RUVBL1: variants seen among roughly 807,000 people sequenced by gnomAD.
The protein encoded by RUVBL1 is RuvB like AAA ATPase 1.
In RUVBL1, 4 loss-of-function variants were observed where a neutral mutation model predicts 52.4. The observed-to-expected ratio is 0.08, with a 90% CI of 0.04 to 0.17. RUVBL1 has a LOEUF of 0.17. Ranked by LOEUF, RUVBL1 falls within the 10% of genes least tolerant of loss-of-function variation. RUVBL1 has a pLI of 1.00. For missense variants in RUVBL1, 298 were observed against 572.8 expected, an observed-to-expected ratio of 0.52 and a Z score of 4.90; for synonymous variants, 217 against 214.4, an observed-to-expected ratio of 1.01 and a Z score of -0.10.
chr3:128,104,198 T>C (rs1943171233), intron 4 of RUVBL1, among the ~76,000 whole-genome samples: 1 of 152,208 alleles, frequency 6.6e-6, no homozygotes, highest in Non-Finnish European at 1.5e-5. Flanking sequence ...GACAGGTGGC[T>C]GAGGACTGTC....
Position 128,086,458 on chromosome 3 carries a change from C to T in RUVBL1, c.1119+1248G>A, listed in dbSNP as rs1028030777. On this transcript the variant is annotated intron_variant, in intron 9 of 10. Transcript: ENST00000322623. Reference sequence around the variant, plus strand: ...AAGACAAGGTCCAGGCAAAGCGCATCGAGACGTCACTGCAGCCCCAGTCTG... The same window carrying T: ...AAGACAAGGTCCAGGCAAAGCGCATTGAGACGTCACTGCAGCCCCAGTCTG... Among the ~76,000 whole-genome samples the T allele has an allele frequency of 4.6e-5, 7 of 152,190 alleles. No homozygotes were observed. In the South Asian group the frequency reaches 6.2e-4, roughly 14 times the overall value.
intron 8 of RUVBL1, among the ~76,000 whole-genome samples, chr3:128,090,392 G>A (rs147204680): frequency 6.6e-4 from 101 of 152,250 alleles, no homozygotes; most frequent in African/African-American, 2.2e-3. Flanking sequence ...GGTGGCGGGC[G>A]CCTGTAGTCC....
At position 128,153,000 on chromosome 3, in the gene RUVBL1, C is replaced by G. The variant is rs1346687127; in HGVS notation, c.-40+203G>C. 1.3e-3 allele frequency among the ~76,000 whole-genome samples: 61 copies of G among 47,964 alleles called. 1 individual carries two copies. The highest frequency in any genetic ancestry group is 4.7e-3 in the African/African-American group (55 of 11,628). 31.5% of individuals were successfully genotyped at this position (47,964 alleles called of 152,430 possible). On this transcript the variant is annotated intron_variant, in intron 1 of 9. Transcript: ENST00000464873. ...CTTCCCCCCGCCCACCCCGCCCCCC[C>G]CGCCCCCCTTCGCCCCCCCATGTTC... is the stretch of plus-strand genomic sequence containing the variant.
chr3:128,069,135 A>G (rs1289746947), intron 9 of RUVBL1, among the ~76,000 whole-genome samples: 1 of 152,254 alleles, frequency 6.6e-6, no homozygotes, highest in Admixed American at 6.5e-5. Flanking sequence ...AATTTAATAT[A>G]TTTAACCTAG....
chr3:128,118,342 C>T (rs1300427044), intron 2 of RUVBL1, among the ~76,000 whole-genome samples: 1 of 152,154 alleles, frequency 6.6e-6, no homozygotes, highest in East Asian at 1.9e-4. Flanking sequence ...GATACACAAT[C>T]AGTAATCATT....
intron 1 of RUVBL1, among the ~76,000 whole-genome samples, chr3:128,148,180 A>G (rs1398807480): frequency 6.6e-6 from 1 of 151,852 alleles, no homozygotes; most frequent in Non-Finnish European, 1.5e-5. Context: ...TGATTACCTG[A>G]TATCATGCAT....
At chr3:128,113,638 TA>T (rs1445811232) in intron 2 of RUVBL1, among the ~76,000 whole-genome samples, 1 of 152,264 alleles carries the variant, frequency 6.6e-6, no homozygotes, top group African/African-American at 2.4e-5. Flanking sequence ...AAGTATGTAT[TA>T]TTTTTGTTAT....
chr3:128,144,789 C>A (rs1944078385), intron 1 of RUVBL1, among the ~76,000 whole-genome samples: 1 of 152,206 alleles, frequency 6.6e-6, no homozygotes. Flanking sequence ...AAGCAACCTG[C>A]ATTTTGCTGG....
chr3:128,076,741 G>A (rs1002367903), downstream of RUVBL1, among the ~76,000 whole-genome samples: 1 of 151,940 alleles, frequency 6.6e-6, no homozygotes, highest in Non-Finnish European at 1.5e-5. The surrounding 1 kb of genome is among the most constrained non-coding windows in gnomAD (Gnocchi z 6.8). Flanking sequence ...GAAAACCTGC[G>A]CCGTGTGCCC....
chr3:128,151,506 T>C (rs1398017151), intron 1 of RUVBL1, among the ~76,000 whole-genome samples: 3 of 152,098 alleles, frequency 2.0e-5, no homozygotes, highest in African/African-American at 7.2e-5. Flanking sequence ...CTAAAGCTCT[T>C]ATTACCTATT....
At chr3:128,124,100 C>T (rs1431388547), upstream of RUVBL1, among the ~76,000 whole-genome samples, 1 of 152,200 alleles carries the variant, frequency 6.6e-6, no homozygotes, top group African/African-American at 2.4e-5. Context: ...TATCCATTAG[C>T]ACATTTGAAC....
chr3:128,115,485 G>A (rs1247143716), intron 2 of RUVBL1, among the ~76,000 whole-genome samples: 4 of 152,170 alleles, frequency 2.6e-5, no homozygotes, highest in Admixed American at 1.3e-4. Flanking sequence ...TGTCACCCAG[G>A]TAAGTTGCCT....
chr3:128,091,796 G>A (rs1430665738), intron 8 of RUVBL1, among the ~76,000 whole-genome samples: 1 of 152,190 alleles, frequency 6.6e-6, no homozygotes, highest in Non-Finnish European at 1.5e-5. Context: ...GATGCCAGCA[G>A]CACTTCTGAG....
chr3:128,096,288 G>T (rs772160583), intron 8 of RUVBL1, among the ~76,000 whole-genome samples: 2 of 152,318 alleles, frequency 1.3e-5, no homozygotes. Flanking sequence ...CTGACACTGG[G>T]CTTGAGAGAT....
At chr3:128,130,681 T>C (rs1943864937) in intron 1 of RUVBL1, among the ~76,000 whole-genome samples, 1 of 151,018 alleles carries the variant, frequency 6.6e-6, no homozygotes, top group South Asian at 2.1e-4. Context: ...GACGGAGTCT[T>C]ACTCTGTCCC....
chr3:128,145,724 G>A (rs565199172), intron 1 of RUVBL1, among the ~76,000 whole-genome samples: 1 of 152,276 alleles, frequency 6.6e-6, no homozygotes, highest in African/African-American at 2.4e-5. Flanking sequence ...TTCCCTTGGG[G>A]ACTACAAACT....
chr3:128,076,853 CCCA>C (rs1157155741), downstream of RUVBL1, among the ~76,000 whole-genome samples: 1 of 152,148 alleles, frequency 6.6e-6, no homozygotes. This position sits in a 1 kb window ranked among gnomAD's most constrained non-coding sequence, Gnocchi z 6.8. Flanking sequence ...CACCCCGCAC[CCCA>C]CCATGTCCCT....
intron 1 of RUVBL1, among the ~76,000 whole-genome samples, chr3:128,144,850 A>G (rs530206638): frequency 3.2e-4 from 49 of 152,204 alleles, no homozygotes; most frequent in Non-Finnish European, 6.2e-4. Flanking sequence ...CCTTCCCCCC[A>G]TTCTTGGGGT....
At chr3:128,095,608 G>A (rs1002201298) in intron 8 of RUVBL1, among the ~76,000 whole-genome samples, 1 of 152,210 alleles carries the variant, frequency 6.6e-6, no homozygotes, top group Non-Finnish European at 1.5e-5. Context: ...CTTGAATCAC[G>A]CATTCGATTC....
Sources: gnomAD v4.1 joint callset for allele counts (sites outside exome capture counted in the v4.1 genomes callset) on GRCh38, gnomAD v4.1.1 for gene constraint, Gnocchi (gnomAD v3.1) non-coding constraint, MANE v1.5 for transcripts, NCBI Gene and HGNC (gene_info 2026-07-23, HGNC 2026-07-21) for gene names.